PCDH15: variants seen among roughly 807,000 people sequenced by gnomAD.
PCDH15 encodes the protein protocadherin-15.
In PCDH15, 129 loss-of-function variants were observed where a neutral mutation model predicts 178.5. That is an observed-to-expected ratio of 0.72 (90% CI 0.63 to 0.84). The LOEUF (loss-of-function observed/expected upper bound fraction) is 0.84. PCDH15 is among the 40% of genes least tolerant of loss of function. PCDH15 has a pLI of 0.00. For missense variants in PCDH15, 2,230 were observed against 2,099.9 expected, an observed-to-expected ratio of 1.06 and a Z score of -1.21; for synonymous variants, 800 against 732.0, an observed-to-expected ratio of 1.09 and a Z score of -1.50.
intron 2 of PCDH15, among the ~76,000 whole-genome samples, chr10:55,471,796 T>TA (rs1270964672): frequency 6.6e-6 from 1 of 152,238 alleles, no homozygotes; most frequent in African/African-American, 2.4e-5. Context: ...AACTGTGAGA[T>TA]ACAGTTTCCC....
intron 9 of PCDH15, among the ~76,000 whole-genome samples, chr10:54,231,154 A>G (rs1050661952): frequency 6.6e-6 from 1 of 152,112 alleles, no homozygotes; most frequent in African/African-American, 2.4e-5. Context: ...GAGACTTAGG[A>G]GGAAAGAATG....
intron 3 of PCDH15, among the ~76,000 whole-genome samples, chr10:54,483,880 G>T (rs534610177): frequency 1.3e-5 from 2 of 151,794 alleles, no homozygotes; most frequent in Admixed American, 6.6e-5. Flanking sequence ...ACAAATAAGG[G>T]TGATGATGTT....
rs913249428 is a variant in PCDH15, at chr10:54,544,631, A to G, written c.92-16754T>C. ...TTTGCCAACAGTAAGCTCTAAGAGC[A>G]CTTTATAGTTGATAACAACTTCCTT... On this transcript the variant is annotated intron_variant, in intron 2 of 37. Transcript: ENST00000644397. 3.3e-5 allele frequency among the ~76,000 whole-genome samples: 5 copies of G among 152,308 alleles called. No homozygotes were observed. The South Asian group carries it at 8.3e-4, about 25-fold the overall frequency.
At chr10:55,339,054 G>A (rs1844479658) in intron 2 of PCDH15, among the ~76,000 whole-genome samples, 1 of 152,096 alleles carries the variant, frequency 6.6e-6, no homozygotes, top group African/African-American at 2.4e-5. Context: ...TAGATAGCAT[G>A]AATAAGATTT....
intron 2 of PCDH15, among the ~76,000 whole-genome samples, chr10:54,928,481 C>T (rs1050223104): frequency 6.6e-6 from 1 of 152,052 alleles, no homozygotes; most frequent in African/African-American, 2.4e-5. Flanking sequence ...TAAATGTTGG[C>T]CTTTCCAACC....
chr10:55,054,182 C>G (rs1403083726), intron 2 of PCDH15, among the ~76,000 whole-genome samples: 1 of 152,124 alleles, frequency 6.6e-6, no homozygotes, highest in African/African-American at 2.4e-5. Context: ...ACCTTCCACC[C>G]TCCACCCTCC....
At chr10:54,360,875 G>T (rs908647252) in intron 5 of PCDH15, among the ~76,000 whole-genome samples, 1 of 151,962 alleles carries the variant, frequency 6.6e-6, no homozygotes, top group Non-Finnish European at 1.5e-5. Context: ...TTATCATAGG[G>T]AAAGTGCCCA....
rs371292343 is a variant in PCDH15, at chr10:54,587,065, T to C, written c.92-59188A>G. Among the ~76,000 whole-genome samples, 6 of 152,312 alleles carry C rather than the reference T, an allele frequency of 3.9e-5. No individual in the cohort carries two copies. The East Asian group carries it at 1.2e-3, about 29-fold the overall frequency. On this transcript the variant is annotated intron_variant, in intron 2 of 37. Transcript: ENST00000644397. ...CCACAGTGTATTAACTGTAAGTAAT[T>C]ACATAAGTACAAATTTTGCTCCTTG...
chr10:55,023,237 C>G (rs1413294235), intron 2 of PCDH15, among the ~76,000 whole-genome samples: 1 of 152,066 alleles, frequency 6.6e-6, no homozygotes, highest in Non-Finnish European at 1.5e-5. Flanking sequence ...CCACCGCGCC[C>G]GGTTTATTGC....
intron 2 of PCDH15, among the ~76,000 whole-genome samples, chr10:54,910,080 G>C (rs905989835): frequency 7.9e-5 from 12 of 152,154 alleles, no homozygotes; most frequent in African/African-American, 2.9e-4. Flanking sequence ...CTGTGCGAGG[G>C]TGGAGGTGGC....
In PCDH15 at chr10:53,806,280, TTAG is replaced by T. The variant is rs1050683144; in HGVS notation, c.*296_*298del. 1.6e-5 allele frequency: 4 copies of T among 254,432 alleles called. No homozygotes were observed. The highest frequency in any genetic ancestry group is 9.0e-5 in the African/African-American group (4 of 44,520). 15.8% of individuals were successfully genotyped at this position (254,432 alleles called of 1,614,324 possible). A position where few individuals can be genotyped will look rare whatever the true frequency, so the allele number is the denominator to read the frequency against. Reference sequence around the variant, plus strand: ...TAATCAATAAAATATAAATGATTATTTAGTAATTATTTCTTGTTTATTAAAATG... The same window carrying T: ...TAATCAATAAAATATAAATGATTATTTAATTATTTCTTGTTTATTAAAATG... On this transcript the variant is annotated 3_prime_UTR_variant, in exon 38 of 38. Coordinates refer to ENST00000644397, the MANE Select transcript of PCDH15 (RefSeq NM_001384140.1).
chr10:53,883,923 C>T (rs2080911793), intron 26 of PCDH15, among the ~76,000 whole-genome samples: 1 of 152,106 alleles, frequency 6.6e-6, no homozygotes. Context: ...ACCATGTTGG[C>T]CAGGCTGGTC....
At chr10:54,399,646 C>G (rs1951696379) in intron 3 of PCDH15, among the ~76,000 whole-genome samples, 1 of 152,064 alleles carries the variant, frequency 6.6e-6, no homozygotes. Context: ...GTATTTCCCA[C>G]CAGCAAATGT....
At chr10:55,138,222 A>G (rs1838256170) in intron 2 of PCDH15, among the ~76,000 whole-genome samples, 1 of 152,180 alleles carries the variant, frequency 6.6e-6, no homozygotes, top group Non-Finnish European at 1.5e-5. Context: ...CGTCCAATGC[A>G]ATATTTAGTA....
intron 2 of PCDH15, among the ~76,000 whole-genome samples, chr10:55,024,443 T>TTA (rs915485008): frequency 6.0e-4 from 60 of 100,016 alleles, no homozygotes; most frequent in African/African-American, 1.7e-3. Context: ...GGATAATATA[T>TTA]TATATATATA....
chr10:54,898,472 T>C (rs1406044471), intron 2 of PCDH15, among the ~76,000 whole-genome samples: 1 of 152,164 alleles, frequency 6.6e-6, no homozygotes, highest in African/African-American at 2.4e-5. Flanking sequence ...AATTAAGGAA[T>C]ATTCCAGGAT....
At chr10:55,165,088 G>A (rs1839162389) in intron 2 of PCDH15, among the ~76,000 whole-genome samples, 1 of 151,996 alleles carries the variant, frequency 6.6e-6, no homozygotes, top group African/African-American at 2.4e-5. Context: ...TGAATGTCCT[G>A]AAAGAAAGTT....
At chr10:54,022,840 T>G (rs1297647030) in intron 19 of PCDH15, 52 bp downstream of exon 19, 1 of 1,594,504 alleles carries the variant, frequency 6.3e-7, no homozygotes, top group African/African-American at 1.3e-5. Flanking sequence ...CAAACCCTAA[T>G]AGCAAATCTC....
intron 2 of PCDH15, among the ~76,000 whole-genome samples, chr10:55,482,041 A>G (rs759197402): frequency 2.6e-5 from 4 of 151,878 alleles, no homozygotes; most frequent in Non-Finnish European, 4.4e-5. Context: ...TATTTAGGAT[A>G]GTAAATCTTC....
Sources: gnomAD v4.1 joint callset for allele counts (sites outside exome capture counted in the v4.1 genomes callset) on GRCh38, gnomAD v4.1.1 for gene constraint, MANE v1.5 for transcripts, NCBI Gene and HGNC (gene_info 2026-07-23, HGNC 2026-07-21) for gene names.